Variants in ZDHHC15 observed in about 807,000 individuals in gnomAD.
The protein encoded by ZDHHC15 is palmitoyltransferase ZDHHC15.
A neutral mutation model predicts 31.7 loss-of-function variants in ZDHHC15; 19 were observed. That is an observed-to-expected ratio of 0.60 (90% confidence interval 0.42 to 0.88). The LOEUF (loss-of-function observed/expected upper bound fraction) is 0.88, where lower values mean the gene tolerates loss of function less well. Ranked by LOEUF, ZDHHC15 falls within the 40% of genes least tolerant of loss-of-function variation. ZDHHC15 has a pLI of 0.00. For missense variants in ZDHHC15, 209 were observed against 251.2 expected (o/e 0.83, Z 1.14); for synonymous variants, 103 against 90.0 (o/e 1.14, Z -0.82).
At chrX:75,483,815 A>T (rs1255697666) in intron 2 of ZDHHC15, among the ~76,000 whole-genome samples, 1 of 110,891 alleles carries the variant, frequency 9.0e-6, no homozygotes, top group Non-Finnish European at 1.9e-5. Flanking sequence ...GGATATTCAC[A>T]GAAGACTACA....
At position 75,403,261 on chromosome X, in the gene ZDHHC15, C is replaced by T. The variant is rs191147012; in HGVS notation, c.967+13826G>A. Among the ~76,000 whole-genome samples the T allele has an allele frequency of 4.4e-3, 485 of 111,384 alleles. 1 individual carries two copies. Among genetic ancestry groups the T allele is most frequent in the Admixed American group, 8.5e-3 (89 of 10,475 alleles). ...AATAAGAGCCATCTATGACAAAGTC[C>T]CAGCCAACATTATACTGAATGGGCC... is the stretch of plus-strand genomic sequence containing the variant. On this transcript the variant is annotated intron_variant, in intron 10 of 11. Transcript: ENST00000373367.
chrX:75,429,736 A>G (rs771863765), intron 6 of ZDHHC15, among the ~76,000 whole-genome samples: 2 of 111,807 alleles, frequency 1.8e-5, no homozygotes, highest in Non-Finnish European at 3.8e-5. Context: ...TGAGACCATT[A>G]GCTTTGTAAC....
chrX:75,441,556 C>A (rs2083940701), intron 4 of ZDHHC15, among the ~76,000 whole-genome samples: 2 of 110,516 alleles, frequency 1.8e-5, no homozygotes. Flanking sequence ...TTTGCAGTGG[C>A]AAGATGCTTC....
intron 9 of ZDHHC15, among the ~76,000 whole-genome samples, chrX:75,418,886 C>T (rs926103492): frequency 8.9e-6 from 1 of 112,193 alleles, no homozygotes; most frequent in Admixed American, 9.5e-5. Flanking sequence ...CCATTCAGGA[C>T]ATAGACATGG....
intron 3 of ZDHHC15, among the ~76,000 whole-genome samples, chrX:75,469,690 C>G (rs891762546): frequency 6.9e-4 from 77 of 111,815 alleles, no homozygotes; most frequent in African/African-American, 2.4e-3. Flanking sequence ...CATAGATATA[C>G]AGCCATCTCT....
At chrX:75,515,104 G>A (rs2148069847) in intron 1 of ZDHHC15, among the ~76,000 whole-genome samples, 1 of 110,997 alleles carries the variant, frequency 9.0e-6, no homozygotes, top group South Asian at 3.9e-4. Flanking sequence ...ACCAAAAAAA[G>A]TCCAGGACCA....
At chrX:75,514,374 C>T (rs187310598) in intron 1 of ZDHHC15, among the ~76,000 whole-genome samples, 33 of 112,125 alleles carry the variant, frequency 2.9e-4, no homozygotes, top group East Asian at 1.7e-3. Flanking sequence ...GAGCTGTAAA[C>T]GGCTGGGTTT....
chrX:75,404,519 G>C (rs1009390646), intron 10 of ZDHHC15, among the ~76,000 whole-genome samples: 1 of 111,431 alleles, frequency 9.0e-6, no homozygotes, highest in African/African-American at 3.3e-5. Context: ...AGGAACTTAG[G>C]TAAATTTACA....
intron 7 of ZDHHC15, among the ~76,000 whole-genome samples, chrX:75,428,182 G>A (rs1392274281): frequency 9.0e-6 from 1 of 110,878 alleles, no homozygotes; most frequent in Non-Finnish European, 1.9e-5. Flanking sequence ...GGTTCAGTTT[G>A]GACAGCCTTC....
At position 75,450,791 on chromosome X, in the gene ZDHHC15, G is replaced by T. The variant is rs747867256; in HGVS notation, c.379+11C>A. On this transcript the variant is annotated intron_variant, in intron 4 of 11. Transcript: ENST00000373367. ...TGAGCTGCCTCTCTAGCTGCCTTTGGATGAACTGACCTCCACTTCCAGTTC... is the reference window on the plus strand; with the variant it reads ...TGAGCTGCCTCTCTAGCTGCCTTTGTATGAACTGACCTCCACTTCCAGTTC... The T allele has an allele frequency of 1.7e-6, 2 of 1,208,667 alleles. No homozygotes were observed. The highest frequency in any genetic ancestry group is 1.1e-6 in the Non-Finnish European group (1 of 894,407).
At chrX:75,395,243 T>C (rs775546131) in intron 10 of ZDHHC15, among the ~76,000 whole-genome samples, 103 of 111,462 alleles carry the variant, frequency 9.2e-4, no homozygotes, top group Non-Finnish European at 1.1e-3. Context: ...CACATCCCAA[T>C]TGGAATGGAA....
intron 3 of ZDHHC15, among the ~76,000 whole-genome samples, chrX:75,452,402 G>A (rs1042846296): frequency 9.0e-6 from 1 of 110,734 alleles, no homozygotes; most frequent in African/African-American, 3.3e-5. Context: ...AGTCCTAACA[G>A]ACCTAAAAAG....
chrX:75,520,284 AAAG>A (rs1352156456), intron 1 of ZDHHC15, among the ~76,000 whole-genome samples: 2 of 112,095 alleles, frequency 1.8e-5, no homozygotes, highest in Non-Finnish European at 3.8e-5. Context: ...TTACATGACT[AAAG>A]AAGAACTTAT....
chrX:75,503,451 C>G (rs1278405097), intron 2 of ZDHHC15, among the ~76,000 whole-genome samples: 1 of 110,866 alleles, frequency 9.0e-6, no homozygotes, highest in Non-Finnish European at 1.9e-5. Context: ...AAATCATAAT[C>G]ATAATACTAT....
chrX:75,384,941 G>T (rs1023719934), intron 10 of ZDHHC15: 10 of 439,123 alleles, frequency 2.3e-5, no homozygotes, highest in Non-Finnish European at 3.2e-5. Flanking sequence ...TCGCCAATAT[G>T]CATGGAAATA....
At chrX:75,513,671 G>A (rs1045446021) in intron 1 of ZDHHC15, among the ~76,000 whole-genome samples, 1 of 111,221 alleles carries the variant, frequency 9.0e-6, no homozygotes, top group Non-Finnish European at 1.9e-5. Flanking sequence ...TGAGAGGAAA[G>A]AGAGGAAAAA....
intron 11 of ZDHHC15, among the ~76,000 whole-genome samples, chrX:75,374,056 T>C (rs1449430969): frequency 9.4e-6 from 1 of 106,812 alleles, no homozygotes; most frequent in Non-Finnish European, 1.9e-5. Context: ...TTCAATTGTT[T>C]TAATTTTTAG....
intron 3 of ZDHHC15, among the ~76,000 whole-genome samples, chrX:75,462,034 C>T (rs2084324840): frequency 9.0e-6 from 1 of 111,564 alleles, no homozygotes; most frequent in African/African-American, 3.3e-5. Flanking sequence ...TTCAAGAGAC[C>T]ATCTCAAGTG....
intron 4 of ZDHHC15, among the ~76,000 whole-genome samples, chrX:75,433,927 C>A (rs2083817140): frequency 9.0e-6 from 1 of 110,905 alleles, no homozygotes; most frequent in African/African-American, 3.3e-5. Flanking sequence ...TACTGTTTTC[C>A]ATAGTGGTTG....
Sources: gnomAD v4.1 joint callset for allele counts (sites outside exome capture counted in the v4.1 genomes callset) on GRCh38, gnomAD v4.1.1 for gene constraint, MANE v1.5 for transcripts, NCBI Gene and HGNC (gene_info 2026-07-23, HGNC 2026-07-21) for gene names.